Variants in MTUS1 observed in about 807,000 individuals in gnomAD.
MTUS1 encodes the protein microtubule-associated tumor suppressor 1.
MTUS1 carries 109 observed loss-of-function variants against 120.8 expected under a neutral mutation model. That is an observed-to-expected ratio of 0.90 (90% CI 0.77 to 1.06). The LOEUF (loss-of-function observed/expected upper bound fraction) is 1.06. Among genes scored for constraint, MTUS1 ranks in the 50% least tolerant of loss-of-function variants. The pLI, the probability that MTUS1 is intolerant of heterozygous loss-of-function variation, is 0.00. For synonymous variants in MTUS1, 737 were observed against 550.5 expected (o/e 1.34, Z -4.74); for missense variants, 2,210 against 1,486.3 (o/e 1.49, Z -8.01).
chr8:17,664,789 A>G (rs1422431028), intron 8 of MTUS1, among the ~76,000 whole-genome samples: 1 of 152,190 alleles, frequency 6.6e-6, no homozygotes, highest in East Asian at 1.9e-4. Context: ...GCGACTATGT[A>G]GGTGACCCCC....
intron 3 of MTUS1, among the ~76,000 whole-genome samples, chr8:17,737,957 C>G (rs1010430793): frequency 1.3e-5 from 2 of 152,036 alleles, no homozygotes; most frequent in African/African-American, 4.8e-5. Context: ...TTGAAATTAC[C>G]TTAACACGAA....
chr8:17,756,965 C>G (rs1210133450), intron 1 of MTUS1, among the ~76,000 whole-genome samples: 1 of 152,172 alleles, frequency 6.6e-6, no homozygotes, highest in Non-Finnish European at 1.5e-5. Flanking sequence ...TTTAAGCCAT[C>G]CAGTGTATGA....
chr8:17,716,163 C>T (rs570901932), intron 4 of MTUS1, among the ~76,000 whole-genome samples: 1 of 152,320 alleles, frequency 6.6e-6, no homozygotes, highest in African/African-American at 2.4e-5. Flanking sequence ...GTTCAGCTTT[C>T]ATCCCAGATA....
intron 3 of MTUS1, among the ~76,000 whole-genome samples, chr8:17,741,177 C>T (rs1343729922): frequency 6.6e-6 from 1 of 152,062 alleles, no homozygotes; most frequent in Non-Finnish European, 1.5e-5. Context: ...CCATGCCAAG[C>T]CCATCTCTTC....
intron 2 of MTUS1, among the ~76,000 whole-genome samples, chr8:17,745,419 G>C (rs1411793602): frequency 1.3e-5 from 2 of 152,180 alleles, no homozygotes; most frequent in African/African-American, 2.4e-5. Flanking sequence ...TCAGCATGTA[G>C]TAAGTTCAAG....
intron 1 of MTUS1, among the ~76,000 whole-genome samples, chr8:17,785,807 G>A (rs4636241): frequency 6.6e-6 from 1 of 151,826 alleles, no homozygotes; most frequent in Non-Finnish European, 1.5e-5. Context: ...GACCAGGAGA[G>A]AAAGAAATAC....
rs28525165 is a variant in MTUS1, at chr8:17,679,350, C to T, written c.2839-4098G>A. Among the ~76,000 whole-genome samples the T allele has an allele frequency of 1.1e-3, 36 of 34,026 alleles. No homozygotes were observed. In the South Asian group the frequency reaches 0.019, roughly 18 times the overall value. The allele number at this position is 34,026 out of a possible 152,430, so 22.3% of individuals were successfully genotyped here. A position where few individuals can be genotyped will look rare whatever the true frequency, so the allele number is the denominator to read the frequency against. On this transcript the variant is annotated intron_variant, in intron 7 of 14. Coordinates refer to ENST00000693296, the MANE Select transcript of MTUS1 (RefSeq NM_001363059.2). ...TATTTTATATACATATGCATGTGTG[C>T]GCGCGCGTGTGTGTGTGTGTGTGTG...
intron 1 of MTUS1, among the ~76,000 whole-genome samples, chr8:17,769,839 TCA>T (rs1161169006): frequency 7.1e-6 from 1 of 140,972 alleles, no homozygotes; most frequent in African/African-American, 2.6e-5. Flanking sequence ...TCAAGCAGTT[TCA>T]GTTTTCTTCT....
rs1241383593 is a variant in MTUS1 at position 17,743,598 on chromosome 8, T to C, written c.2287+6A>G. 1.2e-6 allele frequency: 2 copies of C among 1,610,042 alleles called. No individual in the cohort carries two copies. The highest frequency in any genetic ancestry group is 2.7e-5 in the African/African-American group (2 of 74,660). Reference sequence around the variant, plus strand: ...CTCATAAACTATTGAACTATTTTATTCTTACCAGAACTGGACACACGCCTG... The same window carrying C: ...CTCATAAACTATTGAACTATTTTATCCTTACCAGAACTGGACACACGCCTG... On this transcript the variant is annotated splice_donor_region_variant and intron_variant, in intron 3 of 14. Coordinates refer to ENST00000693296, the MANE Select transcript of MTUS1 (RefSeq NM_001363059.2).
intron 2 of MTUS1, among the ~76,000 whole-genome samples, chr8:17,750,407 C>G (rs1335612433): frequency 1.3e-5 from 2 of 152,314 alleles, no homozygotes; most frequent in South Asian, 2.1e-4. Context: ...AGAAAACCTT[C>G]TTTTAAAAAG....
chr8:17,761,184 A>C (rs774748265), intron 1 of MTUS1, among the ~76,000 whole-genome samples: 1 of 152,206 alleles, frequency 6.6e-6, no homozygotes, highest in Non-Finnish European at 1.5e-5. Context: ...AAATGGTCAA[A>C]GAACTACTAG....
rs902369533 is a variant in MTUS1 at position 17,775,380 on chromosome 8, C to T, written c.-154-19419G>A. ...AGAATAGGAGAAAAATACCGTACCA[C>T]CTCCGGGATCCTGAAACTTCAGGCT... On this transcript the variant is annotated intron_variant, in intron 1 of 14. Transcript: ENST00000693296. 3.3e-5 allele frequency among the ~76,000 whole-genome samples: 5 copies of T among 152,136 alleles called. No homozygotes were observed. The East Asian group carries it at 7.7e-4, about 23-fold the overall frequency.
At chr8:17,796,548 A>C (rs973036494) in intron 1 of MTUS1, among the ~76,000 whole-genome samples, 5 of 152,172 alleles carry the variant, frequency 3.3e-5, no homozygotes, top group Non-Finnish European at 5.9e-5. Flanking sequence ...ACAAGTTGCC[A>C]ATCTGCTTCT....
chr8:17,720,938 C>G (rs2045791164), intron 4 of MTUS1, among the ~76,000 whole-genome samples: 1 of 152,080 alleles, frequency 6.6e-6, no homozygotes, highest in Admixed American at 6.5e-5. Flanking sequence ...TGCTAAAATT[C>G]CCAAATAAGA....
At chr8:17,748,829 C>A (rs2047968980) in intron 2 of MTUS1, among the ~76,000 whole-genome samples, 1 of 152,156 alleles carries the variant, frequency 6.6e-6, no homozygotes, top group African/African-American at 2.4e-5. Context: ...GACAGGGTCT[C>A]TTTTTTCCCT....
At chr8:17,684,847 T>C (rs1815423595) in intron 6 of MTUS1, among the ~76,000 whole-genome samples, 1 of 152,194 alleles carries the variant, frequency 6.6e-6, no homozygotes, top group Non-Finnish European at 1.5e-5. Context: ...GTTCTCCTCG[T>C]TTCTCATTTT....
chr8:17,781,020 T>C (rs900926506), intron 1 of MTUS1: 7 of 152,216 alleles, frequency 4.6e-5, no homozygotes, highest in African/African-American at 1.7e-4. Context: ...ATTTCACCCC[T>C]AAATCAACAG....
chr8:17,646,639 G>T (rs1805851085), intron 14 of MTUS1, among the ~76,000 whole-genome samples: 1 of 152,140 alleles, frequency 6.6e-6, no homozygotes, highest in Non-Finnish European at 1.5e-5. Context: ...ATAGTAGGCT[G>T]AGAGCCACTT....
chr8:17,743,905 A>G, intron 2 of MTUS1, 106 bp from the exon 3 acceptor site: 1 of 955,312 alleles, frequency 1.0e-6, no homozygotes, highest in African/African-American at 1.6e-5. Context: ...AAGAAACCTA[A>G]AAAACAAGTT....
Sources: gnomAD v4.1 joint callset for allele counts (sites outside exome capture counted in the v4.1 genomes callset) on GRCh38, gnomAD v4.1.1 for gene constraint, MANE v1.5 for transcripts, NCBI Gene and HGNC (gene_info 2026-07-23, HGNC 2026-07-21) for gene names.